Variants in GTF2H3 observed in about 807,000 individuals in gnomAD.
GTF2H3 encodes TFIIH basal transcription factor complex p34 subunit.
In GTF2H3, 42 loss-of-function variants were observed where a neutral mutation model predicts 51.1. That is an observed-to-expected ratio of 0.82 (90% CI 0.64 to 1.06). The LOEUF (loss-of-function observed/expected upper bound fraction) is 1.06. Ranked by LOEUF, GTF2H3 falls within the 50% of genes least tolerant of loss-of-function variation. The pLI is 0.00. For synonymous variants in GTF2H3, 123 were observed against 123.8 expected (o/e 0.99, Z 0.04); for missense variants, 326 against 366.1 (o/e 0.89, Z 0.89).
chr12:123,651,150 G>A, intron 5 of GTF2H3, 94 bp downstream of exon 5: 1 of 845,600 alleles, frequency 1.2e-6, no homozygotes, highest in African/African-American at 1.7e-5. Context: ...GCCCATTACT[G>A]GGACATGTGA....
chr12:123,655,971 C>T (rs972426358), intron 9 of GTF2H3, 147 bp downstream of exon 9: 14 of 534,212 alleles, frequency 2.6e-5, no homozygotes, highest in African/African-American at 2.3e-4. Flanking sequence ...TTCCCCCTTA[C>T]GTATGGAGCT....
chr12:123,659,514 A>C lies in GTF2H3; in HGVS notation c.616-2A>C. On this transcript the variant is annotated splice_acceptor_variant, in intron 9 of 12. Transcript: ENST00000543341. LOFTEE classifies it high-confidence loss of function. ...TGGCAGCAAGCCGCCTGTGTCTTGC[A>C]GGCTTGTGACATCACGGGAGGACTG... The C allele has an allele frequency of 6.2e-7, 1 of 1,614,122 alleles. No homozygotes were observed. Among genetic ancestry groups the C allele is most frequent in the Non-Finnish European group, 8.5e-7 (1 of 1,179,950 alleles).
At chr12:123,659,191 A>AC (rs1955622932) in intron 9 of GTF2H3, among the ~76,000 whole-genome samples, 1 of 152,098 alleles carries the variant, frequency 6.6e-6, no homozygotes, top group Non-Finnish European at 1.5e-5. Flanking sequence ...GACTGGGGAA[A>AC]CCCCGTCTCT....
At position 123,650,999 on chromosome 12, in the gene GTF2H3, A is replaced by G. The variant is rs556247001; in HGVS notation, c.370A>G (p.Ile124Val). 2 of 1,611,228 alleles carry G rather than the reference A, an allele frequency of 1.2e-6. No homozygotes were observed. Among genetic ancestry groups the G allele is most frequent in the African/African-American group, 1.3e-5 (1 of 75,016 alleles). The change falls in exon 5 of 13, where the codon ATA (isoleucine) becomes GTA (valine). Residue 124 changes from isoleucine to valine, a missense_variant. By Grantham distance (29) the Ile-to-Val change is conservative. Transcript: ENST00000543341. ...EIKDLMTKSD[I>V]KGQHTETLLA... ...ATGTTTTCTGTTATTTGCAGGTGACATAAAGGGTCAACATACAGAAACTTT... is the reference window on the plus strand; with the variant it reads ...ATGTTTTCTGTTATTTGCAGGTGACGTAAAGGGTCAACATACAGAAACTTT...
chr12:123,642,397 T>G (rs944081365), intron 2 of GTF2H3, among the ~76,000 whole-genome samples: 2 of 151,384 alleles, frequency 1.3e-5, no homozygotes, highest in Non-Finnish European at 2.9e-5. Flanking sequence ...TCTCGATCTC[T>G]TGACCTCGTG....
intron 4 of GTF2H3, chr12:123,649,489 A>G (rs1472466827): frequency 6.6e-6 from 1 of 152,254 alleles, no homozygotes; most frequent in Non-Finnish European, 1.5e-5. Flanking sequence ...GTTTAGAGCC[A>G]CTGCTCTAGA....
At position 123,661,974 on chromosome 12, in the gene GTF2H3, C is replaced by CA. The variant is rs1955663846; in HGVS notation, c.*1744dup. ...TGAAACCCTGTCTCTACTAAAAATA[C>CA]AAAAATTAGCTGGGCGTGGTGGCAG... On this transcript the variant is annotated 3_prime_UTR_variant, in exon 13 of 13. Coordinates refer to ENST00000543341, the MANE Select transcript of GTF2H3 (RefSeq NM_001516.5). 6.6e-6 allele frequency: 1 copy of CA among 151,302 alleles called. No individual in the cohort carries two copies. The highest frequency in any genetic ancestry group is 1.5e-5 in the Non-Finnish European group (1 of 67,948). The allele number at this position is 151,302 out of a possible 1,614,324, so 9.4% of individuals were successfully genotyped here.
Position 123,658,796 on chromosome 12 carries a change from T to C in GTF2H3, c.616-720T>C, listed in dbSNP as rs145093353. ...AGTAAAAAGACAACTGGGAGAGATA[T>C]TTGCAAATGATGTATCTGATAAAGG... On this transcript the variant is annotated intron_variant, in intron 9 of 12. Transcript: ENST00000543341. Among the ~76,000 whole-genome samples, 302 of 152,292 alleles carry C rather than the reference T, an allele frequency of 2.0e-3. 1 individual carries two copies. Among genetic ancestry groups the C allele is most frequent in the African/African-American group, 5.5e-3 (228 of 41,560 alleles).
intron 9 of GTF2H3, among the ~76,000 whole-genome samples, chr12:123,657,940 G>A (rs1955607477): frequency 6.6e-6 from 1 of 152,176 alleles, no homozygotes; most frequent in South Asian, 2.1e-4. Flanking sequence ...CTATTAACAT[G>A]GACAGGAAAC....
intron 1 of GTF2H3, among the ~76,000 whole-genome samples, chr12:123,638,557 G>T (rs1285752483): frequency 1.3e-5 from 2 of 151,950 alleles, no homozygotes; most frequent in African/African-American, 2.4e-5. Flanking sequence ...CCATCTGCCT[G>T]TCTTGGCCTC....
At chr12:123,656,079 A>T in intron 9 of GTF2H3, 3 of 350,130 alleles carry the variant, frequency 8.6e-6, no homozygotes, top group Non-Finnish European at 1.5e-5. Context: ...AAAGGGAAAC[A>T]AAACCCTAAA....
chr12:123,648,586 C>T (rs1157076454), intron 4 of GTF2H3, among the ~76,000 whole-genome samples: 2 of 152,162 alleles, frequency 1.3e-5, no homozygotes, highest in East Asian at 1.9e-4. Flanking sequence ...TCCATTTCAG[C>T]GTCCCACAGT....
At chr12:123,633,949 G>A in intron 1 of GTF2H3, 77 bp downstream of exon 1, 1 of 1,467,402 alleles carries the variant, frequency 6.8e-7, no homozygotes, top group Non-Finnish European at 9.5e-7. Flanking sequence ...CAGATGGAAT[G>A]TGTCTTTTGG....
At position 123,652,554 on chromosome 12, in the gene GTF2H3, A is replaced by G. The variant is rs1451815554; in HGVS notation, c.450A>G (p.Glu150=). The G allele has an allele frequency of 2.0e-6, 3 of 1,469,586 alleles. No individual in the cohort carries two copies. The African/African-American group carries it at 4.3e-5, about 21-fold the overall frequency. 91.0% of individuals were successfully genotyped at this position (1,469,586 alleles called of 1,614,324 possible). Residue 150 remains glutamate (E), a synonymous_variant, in exon 6 of 13, where the codon GAA becomes GAG. Coordinates refer to ENST00000543341, the MANE Select transcript of GTF2H3 (RefSeq NM_001516.5). The part of the protein sequence containing the change: ...ALCYIHRMNK[E]VKDNQEMKSR... ...AAGACATTCATAGAATGAACAAGGA[A>G]GTTAAAGGTAAGAGCCTACGTTTTC...
At chr12:123,640,080 G>A (rs11572935) in intron 2 of GTF2H3, 4,266 of 418,366 alleles carry the variant, frequency 0.01, 150 homozygotes, top group African/African-American at 0.076. Context: ...GGCTGGTCTC[G>A]AACTCCTGGC....
intron 5 of GTF2H3, among the ~76,000 whole-genome samples, chr12:123,652,071 G>A (rs916320540): frequency 6.6e-6 from 1 of 152,276 alleles, no homozygotes; most frequent in Admixed American, 6.5e-5. Flanking sequence ...CTTCTCCATA[G>A]GTGAACGGGT....
chr12:123,640,146 C>T, intron 2 of GTF2H3: 2 of 334,500 alleles, frequency 6.0e-6, no homozygotes, highest in Non-Finnish European at 1.2e-5. Flanking sequence ...GGGAGTGAGC[C>T]ACCGCACCTG....
intron 1 of GTF2H3, among the ~76,000 whole-genome samples, chr12:123,636,708 G>A (rs1403380950): frequency 1.3e-5 from 2 of 152,122 alleles, no homozygotes; most frequent in African/African-American, 4.8e-5. Context: ...ACCTGAGGTC[G>A]GGAGTTCGAG....
intron 1 of GTF2H3, among the ~76,000 whole-genome samples, chr12:123,635,608 T>A (rs982778580): frequency 6.8e-6 from 1 of 147,838 alleles, no homozygotes; most frequent in African/African-American, 2.5e-5. Flanking sequence ...AGATAAGGTC[T>A]CACTGTTTTG....
Sources: gnomAD v4.1 joint callset for allele counts (sites outside exome capture counted in the v4.1 genomes callset) on GRCh38, gnomAD v4.1.1 for gene constraint, MANE v1.5 for transcripts, NCBI Gene and HGNC (gene_info 2026-07-23, HGNC 2026-07-21) for gene names.